FBXL20: variants seen among roughly 807,000 people sequenced by gnomAD.
The protein encoded by FBXL20 is F-box/LRR-repeat protein 20.
FBXL20 carries 11 observed loss-of-function variants against 64.0 expected under a neutral mutation model. The ratio of observed to expected loss-of-function variants is 0.17; its 90% CI spans 0.11 to 0.28. FBXL20 has a LOEUF of 0.28. Ranked by LOEUF, FBXL20 falls within the 10% of genes least tolerant of loss-of-function variation. The pLI, the probability that FBXL20 is intolerant of heterozygous loss-of-function variation, is 1.00. For missense variants in FBXL20, 303 were observed against 526.2 expected, an observed-to-expected ratio of 0.58 and a Z score of 4.15; for synonymous variants, 184 against 189.0, an observed-to-expected ratio of 0.97 and a Z score of 0.22.
chr17:39,333,080 G>A (rs1378279772), intron 2 of FBXL20, among the ~76,000 whole-genome samples: 1 of 152,000 alleles, frequency 6.6e-6, no homozygotes, highest in Non-Finnish European at 1.5e-5. Context: ...TCAGATTATA[G>A]GCCTGAGTCA....
intron 7 of FBXL20, among the ~76,000 whole-genome samples, chr17:39,283,672 G>A (rs1193614923): frequency 1.3e-5 from 2 of 151,196 alleles, no homozygotes; most frequent in East Asian, 3.8e-4. Flanking sequence ...CAAAGGCCCT[G>A]TGTATTTCCT....
intron 1 of FBXL20, among the ~76,000 whole-genome samples, chr17:39,372,867 C>T (rs2047932005): frequency 6.6e-6 from 1 of 152,020 alleles, no homozygotes; most frequent in African/African-American, 2.4e-5. Context: ...TCAGGTGATC[C>T]ACCCGCCTCA....
chr17:39,314,795 CTTT>C (rs59955109), intron 2 of FBXL20, among the ~76,000 whole-genome samples: 2 of 125,942 alleles, frequency 1.6e-5, no homozygotes, highest in Admixed American at 8.6e-5. Context: ...ATATCCTTTT[CTTT>C]TTTTTTTTTT....
intron 1 of FBXL20, among the ~76,000 whole-genome samples, chr17:39,390,862 G>C (rs1234491035): frequency 6.6e-6 from 1 of 152,006 alleles, no homozygotes; most frequent in South Asian, 2.1e-4. Context: ...GCCTGGTCAA[G>C]ATGGTAAAAC....
At chr17:39,334,778 T>TTTTTA (rs2047504275) in intron 2 of FBXL20, among the ~76,000 whole-genome samples, 1 of 152,024 alleles carries the variant, frequency 6.6e-6, no homozygotes, top group Admixed American at 6.6e-5. Context: ...TTTACAGTTA[T>TTTTTA]CAACGTCATC....
intron 9 of FBXL20, among the ~76,000 whole-genome samples, chr17:39,279,389 C>T (rs928534623): frequency 3.3e-5 from 5 of 151,496 alleles, no homozygotes; most frequent in East Asian, 1.9e-4. Context: ...GTCCAAGCTA[C>T]TCAGAAGGCT....
intron 1 of FBXL20, among the ~76,000 whole-genome samples, chr17:39,382,650 T>C (rs1468664039): frequency 3.9e-5 from 6 of 152,002 alleles, no homozygotes; most frequent in South Asian, 2.1e-4. Flanking sequence ...CTGGGCAAGA[T>C]AGGAGAGCCC....
chr17:39,341,419 C>A (rs2047582004), intron 2 of FBXL20, among the ~76,000 whole-genome samples: 1 of 152,024 alleles, frequency 6.6e-6, no homozygotes, highest in Admixed American at 6.6e-5. Flanking sequence ...CTCCAGTGTC[C>A]CAACTTGAGA....
chr17:39,270,750 T>C, intron 11 of FBXL20, 46 bp downstream of exon 11: 1 of 1,505,368 alleles, frequency 6.6e-7, no homozygotes, highest in Non-Finnish European at 9.0e-7. Context: ...AAAGCCCTAA[T>C]AAAACCTATG....
At position 39,343,171 on chromosome 17, in the gene FBXL20, CA is replaced by C. The variant is rs765679093; in HGVS notation, c.104+8del. On this transcript the variant is annotated splice_region_variant and intron_variant, in intron 2 of 14. Coordinates refer to ENST00000264658, the MANE Select transcript of FBXL20 (RefSeq NM_032875.3). ...TAAAAAAACCCATAAAATTAGCATTCAGACTTACCGTAACAGGAGTTCTTTG... is the reference window on the plus strand; with the variant it reads ...TAAAAAAACCCATAAAATTAGCATTCGACTTACCGTAACAGGAGTTCTTTG... The C allele has an allele frequency of 6.3e-7, 1 of 1,588,762 alleles. No homozygotes were observed. Among genetic ancestry groups the C allele is most frequent in the Non-Finnish European group, 8.5e-7 (1 of 1,170,122 alleles).
chr17:39,393,801 A>T (rs529338674), intron 1 of FBXL20, among the ~76,000 whole-genome samples: 1 of 152,340 alleles, frequency 6.6e-6, no homozygotes, highest in African/African-American at 2.4e-5. Context: ...ACTTTAAGAG[A>T]AAGTCTTCAA....
rs560806785 is a variant in FBXL20, at chr17:39,266,516, G to A, written c.934-1063C>T. Reference sequence around the variant, plus strand: ...ATTACAGGCATGAGCCACCATGCTCGGAATATTTTTAGTGGAGATGGGGGT... The same window carrying A: ...ATTACAGGCATGAGCCACCATGCTCAGAATATTTTTAGTGGAGATGGGGGT... On this transcript the variant is annotated intron_variant, in intron 12 of 14. Transcript: ENST00000264658. 5.3e-5 allele frequency among the ~76,000 whole-genome samples: 8 copies of A among 152,106 alleles called. No homozygotes were observed. In the South Asian group the frequency reaches 1.2e-3, roughly 24 times the overall value.
intron 2 of FBXL20, among the ~76,000 whole-genome samples, chr17:39,325,437 C>G (rs1453252426): frequency 6.6e-6 from 1 of 151,876 alleles, no homozygotes; most frequent in Non-Finnish European, 1.5e-5. Flanking sequence ...CTTCCAGGTA[C>G]AATTATAAAT....
chr17:39,331,629 T>G (rs1218750549), intron 2 of FBXL20, among the ~76,000 whole-genome samples: 1 of 152,212 alleles, frequency 6.6e-6, no homozygotes, highest in Non-Finnish European at 1.5e-5. Context: ...GATTGTTTAT[T>G]TCTATCTTCA....
At position 39,261,413 on chromosome 17, in the gene FBXL20, G is replaced by T; in HGVS notation, c.*47C>A. ...CTGGAGAGACTCCACGGTAGCTCTA[G>T]AAGTGTCATTAAATACTCAGTTCGC... On this transcript the variant is annotated 3_prime_UTR_variant, in exon 15 of 15. Transcript: ENST00000264658. The T allele has an allele frequency of 6.9e-7, 1 of 1,450,206 alleles. No homozygotes were observed. Among genetic ancestry groups the T allele is most frequent in the Non-Finnish European group, 9.7e-7 (1 of 1,031,298 alleles). 89.8% of individuals were successfully genotyped at this position (1,450,206 alleles called of 1,614,324 possible).
chr17:39,260,900 T>C lies in FBXL20; in HGVS notation c.*560A>G, dbSNP rs1322695549. 2 of 155,660 alleles carry C rather than the reference T, an allele frequency of 1.3e-5. No individual in the cohort carries two copies. Among genetic ancestry groups the C allele is most frequent in the African/African-American group, 4.8e-5 (2 of 41,466 alleles). 9.6% of individuals were successfully genotyped at this position (155,660 alleles called of 1,614,324 possible). On this transcript the variant is annotated 3_prime_UTR_variant, in exon 15 of 15. Transcript: ENST00000264658. Reference sequence around the variant, plus strand: ...GCCAAATACTAAAACACAGGAGGAATGGACGAGCCTTCTTTGTGAGCATGC... The same window carrying C: ...GCCAAATACTAAAACACAGGAGGAACGGACGAGCCTTCTTTGTGAGCATGC...
At chr17:39,375,495 T>C (rs1043126215) in intron 1 of FBXL20, among the ~76,000 whole-genome samples, 7 of 152,186 alleles carry the variant, frequency 4.6e-5, no homozygotes, top group Admixed American at 3.3e-4. Flanking sequence ...ATGACTATAG[T>C]TGGCAAGGAT....
rs189267340 is a variant in FBXL20, at chr17:39,371,354, A to T, written c.43-28113T>A. ...TGTTAATGCATAAATATATTTTTTT[A>T]AAATTCAGCTATCTTTTCTCTGGGG... On this transcript the variant is annotated intron_variant, in intron 1 of 14. Coordinates refer to ENST00000264658, the MANE Select transcript of FBXL20 (RefSeq NM_032875.3). Among the ~76,000 whole-genome samples, 619 of 152,274 alleles carry T rather than the reference A, an allele frequency of 4.1e-3. 7 individuals carry two copies. The highest frequency in any genetic ancestry group is 6.1e-3 in the Non-Finnish European group (414 of 68,028).
intron 10 of FBXL20, among the ~76,000 whole-genome samples, chr17:39,272,567 T>C (rs1478434300): frequency 6.6e-6 from 1 of 151,012 alleles, no homozygotes; most frequent in Non-Finnish European, 1.5e-5. Context: ...CCAGGCATGG[T>C]AGCGTATGCC....
Sources: allele counts gnomAD v4.1 joint callset (sites outside exome capture counted in the v4.1 genomes callset), GRCh38; gene constraint gnomAD v4.1.1; transcripts MANE v1.5; gene names NCBI Gene and HGNC (gene_info 2026-07-23, HGNC 2026-07-21).